Variants in LRP1B observed in about 807,000 individuals in gnomAD.
The protein encoded by LRP1B is LDL receptor related protein 1B, also known as low-density lipoprotein receptor-related protein 1B.
LRP1B carries 217 observed loss-of-function variants against 556.6 expected under a neutral mutation model. The ratio of observed to expected loss-of-function variants is 0.39; its 90% CI spans 0.35 to 0.44. The LOEUF (loss-of-function observed/expected upper bound fraction) is 0.44. Among genes scored for constraint, LRP1B ranks in the 20% least tolerant of loss-of-function variants. LRP1B has a pLI of 1.00. For synonymous variants in LRP1B, 2,047 were observed against 1,865.8 expected (o/e 1.10, Z -2.50); for missense variants, 5,053 against 5,620.8 (o/e 0.90, Z 3.23).
At chr2:140,741,598 T>C (rs1391018169) in intron 35 of LRP1B, among the ~76,000 whole-genome samples, 1 of 152,158 alleles carries the variant, frequency 6.6e-6, no homozygotes, top group Non-Finnish European at 1.5e-5. Flanking sequence ...ATCAGCATAG[T>C]ATCCAATAGG....
At chr2:141,766,357 C>T (rs993700477) in intron 2 of LRP1B, among the ~76,000 whole-genome samples, 1 of 152,146 alleles carries the variant, frequency 6.6e-6, no homozygotes, top group Non-Finnish European at 1.5e-5. Context: ...TCTCTGGTCA[C>T]ACAACAAGCT....
intron 2 of LRP1B, among the ~76,000 whole-genome samples, chr2:141,665,515 T>G (rs1052021324): frequency 6.6e-6 from 1 of 152,192 alleles, no homozygotes; most frequent in East Asian, 1.9e-4. Context: ...GAAGACAGTG[T>G]GGCGGTTCCC....
chr2:141,182,817 AC>A (rs2105176604), intron 7 of LRP1B, among the ~76,000 whole-genome samples: 1 of 151,850 alleles, frequency 6.6e-6, no homozygotes, highest in East Asian at 2.0e-4. Flanking sequence ...AACTTTTGTT[AC>A]GGGGGGGAGT....
At chr2:140,305,593 T>C (rs1382459860) in intron 83 of LRP1B, among the ~76,000 whole-genome samples, 1 of 152,192 alleles carries the variant, frequency 6.6e-6, no homozygotes, top group Non-Finnish European at 1.5e-5. Context: ...TCATGTTATC[T>C]GCAAACAGGG....
At chr2:140,553,794 G>C (rs1278100500) in intron 43 of LRP1B, among the ~76,000 whole-genome samples, 1 of 152,036 alleles carries the variant, frequency 6.6e-6, no homozygotes, top group Non-Finnish European at 1.5e-5. Flanking sequence ...CAATGAGCTG[G>C]AGAGGTTTTC....
intron 7 of LRP1B, among the ~76,000 whole-genome samples, chr2:141,142,215 T>C (rs1403788475): frequency 6.6e-6 from 1 of 152,206 alleles, no homozygotes; most frequent in African/African-American, 2.4e-5. Flanking sequence ...GCTGTCTCAT[T>C]ACAGGCCTCT....
chr2:142,128,440 C>T (rs1423168264), intron 1 of LRP1B, among the ~76,000 whole-genome samples: 1 of 152,226 alleles, frequency 6.6e-6, no homozygotes, highest in Non-Finnish European at 1.5e-5. Context: ...TCATTAACCT[C>T]TTTCTTGAGT....
At chr2:141,037,941 C>T (rs1295916502) in intron 11 of LRP1B, among the ~76,000 whole-genome samples, 5 of 151,566 alleles carry the variant, frequency 3.3e-5, no homozygotes, top group African/African-American at 9.7e-5. Context: ...TCAAGAGAGT[C>T]TATTTTAAAA....
chr2:141,893,491 A>G (rs1263206998), intron 1 of LRP1B, among the ~76,000 whole-genome samples: 3 of 40,310 alleles, frequency 7.4e-5, no homozygotes, highest in African/African-American at 1.8e-4. Flanking sequence ...ATGAGCCACC[A>G]CTGATTTTTT....
chr2:141,410,025 G>T (rs897854120), intron 3 of LRP1B, among the ~76,000 whole-genome samples: 4 of 152,002 alleles, frequency 2.6e-5, no homozygotes, highest in African/African-American at 9.7e-5. Context: ...AATGTGGAGA[G>T]TCAAAGTGAA....
At chr2:141,623,909 G>A (rs777817508) in intron 2 of LRP1B, among the ~76,000 whole-genome samples, 9 of 150,710 alleles carry the variant, frequency 6.0e-5, no homozygotes, top group African/African-American at 1.2e-4. Flanking sequence ...CAGCTACTCG[G>A]GAGGCTGAGG....
chr2:140,916,030 G>GA (rs896886667), intron 21 of LRP1B, among the ~76,000 whole-genome samples: 7 of 150,810 alleles, frequency 4.6e-5, no homozygotes, highest in African/African-American at 7.3e-5. Flanking sequence ...TCTGTCTCAA[G>GA]AAAAAAAACA....
At chr2:141,672,101 C>A (rs563865318) in intron 2 of LRP1B, among the ~76,000 whole-genome samples, 1 of 152,124 alleles carries the variant, frequency 6.6e-6, no homozygotes, top group African/African-American at 2.4e-5. Flanking sequence ...AAGGACCTAA[C>A]CTCATCTGGA....
At chr2:141,697,459 T>G (rs865912851) in intron 2 of LRP1B, among the ~76,000 whole-genome samples, 10 of 152,116 alleles carry the variant, frequency 6.6e-5, no homozygotes, top group African/African-American at 2.2e-4. Flanking sequence ...ACTTTCATAT[T>G]ACATTGAAAC....
At position 141,973,702 on chromosome 2, in the gene LRP1B, T is replaced by C. The variant is rs572382796; in HGVS notation, c.82+156946A>G. On this transcript the variant is annotated intron_variant, in intron 1 of 90. Coordinates refer to ENST00000389484, the MANE Select transcript of LRP1B (RefSeq NM_018557.3). ...ATAATTTGAGCAAAGCGGTATAATA[T>C]CCCTGATTGTGGAGAGAACAATGCT... Among the ~76,000 whole-genome samples the C allele has an allele frequency of 1.4e-4, 22 of 151,962 alleles. No individual in the cohort carries two copies. In the South Asian group the frequency reaches 4.6e-3, roughly 31 times the overall value.
rs182805694 is a variant in LRP1B at position 141,844,288 on chromosome 2, A to G, written c.83-33887T>C. On this transcript the variant is annotated intron_variant, in intron 1 of 90. Transcript: ENST00000389484. The stretch of plus-strand genomic sequence containing the variant: ...TACCCAGAGTGGGTAAATTTATTTC[A>G]TTGCTAATCCCATATGTTTTTACAG... 1.1e-3 allele frequency among the ~76,000 whole-genome samples: 167 copies of G among 152,180 alleles called. 1 individual carries two copies. The highest frequency in any genetic ancestry group is 3.0e-3 in the Admixed American group (46 of 15,262).
intron 1 of LRP1B, among the ~76,000 whole-genome samples, chr2:141,883,279 T>C (rs972172302): frequency 1.3e-5 from 2 of 152,138 alleles, no homozygotes; most frequent in African/African-American, 2.4e-5. Context: ...CACTTTGTAC[T>C]TATAATAGCA....
At position 140,680,959 on chromosome 2, in the gene LRP1B, G is replaced by T. The variant is rs1010424563; in HGVS notation, c.6799+19291C>A. ...GCTATTGATTTTGTGGGACTTAAAAGGCAGTGCTGTGTGAAATGGTTTGCT... is the reference window on the plus strand; with the variant it reads ...GCTATTGATTTTGTGGGACTTAAAATGCAGTGCTGTGTGAAATGGTTTGCT... On this transcript the variant is annotated intron_variant, in intron 41 of 90. Transcript: ENST00000389484. Among the ~76,000 whole-genome samples the T allele has an allele frequency of 6.6e-5, 10 of 152,300 alleles. No individual in the cohort carries two copies. In the South Asian group the frequency reaches 2.1e-3, roughly 32 times the overall value.
chr2:141,513,710 T>G, intron 2 of LRP1B, among the ~76,000 whole-genome samples: 1 of 143,730 alleles, frequency 7.0e-6, no homozygotes, highest in South Asian at 2.3e-4. Context: ...AAGGACAAAC[T>G]TAAAGTCTCT....
Sources: gnomAD v4.1 joint callset for allele counts (sites outside exome capture counted in the v4.1 genomes callset) on GRCh38, gnomAD v4.1.1 for gene constraint, MANE v1.5 for transcripts, NCBI Gene and HGNC (gene_info 2026-07-23, HGNC 2026-07-21) for gene names.